The following ABCA10 variants were observed in gnomAD, a reference collection of about 807,000 sequenced individuals.
ABCA10 encodes ATP binding cassette subfamily A member 10, also known as ATP-binding cassette sub-family A member 10.
In ABCA10, 169 loss-of-function variants were observed where a neutral mutation model predicts 187.5. The observed-to-expected ratio is 0.90, with a 90% confidence interval of 0.80 to 1.02. The LOEUF is 1.02. Ranked by LOEUF, ABCA10 falls within the 50% of genes least tolerant of loss-of-function variation. ABCA10 has a pLI of 0.00. For synonymous variants in ABCA10, 574 were observed against 601.8 expected (o/e 0.95, Z 0.68); for missense variants, 1,727 against 1,812.4 (o/e 0.95, Z 0.86).
At chr17:69,156,455 T>G (rs988947538) in intron 28 of ABCA10, among the ~76,000 whole-genome samples, 1 of 152,182 alleles carries the variant, frequency 6.6e-6, no homozygotes, top group African/African-American at 2.4e-5. Flanking sequence ...GTTTTCTTTT[T>G]CTGAAAATAG....
chr17:69,148,901 G>A lies in ABCA10; in HGVS notation c.4558C>T (p.Gln1520Ter). The change falls in exon 39 of 39, where the codon CAG (glutamine) becomes TAG (stop). Residue 1520 changes from glutamine to a stop codon, truncating the protein, a stop_gained. Transcript: ENST00000690296. LOFTEE classifies it low-confidence loss of function (END_TRUNC). ...TTATCATCAACATTTCCCAGCTCCTGCTCTTTACAGAGTTCTAAGAATACC... is the reference window on the plus strand; with the variant it reads ...TTATCATCAACATTTCCCAGCTCCTACTCTTTACAGAGTTCTAAGAATACC... ...EQVFLELCKE[Q>*]ELGNVDDKID... The A allele has an allele frequency of 1.2e-6, 2 of 1,613,608 alleles. No individual in the cohort carries two copies. Among genetic ancestry groups the A allele is most frequent in the Non-Finnish European group, 1.7e-6 (2 of 1,179,740 alleles).
At position 69,148,721 on chromosome 17, in the gene ABCA10, TA is replaced by T. The variant is rs1274485851; in HGVS notation, c.*105del. ...ACTGTAATCATTATTGAATGTTTAT[TA>T]AATGTTTTCTTTTGTTAACTGAAGT... On this transcript the variant is annotated 3_prime_UTR_variant, in exon 39 of 39. Transcript: ENST00000690296. 1.0e-6 allele frequency: 1 copy of T among 966,806 alleles called. No individual in the cohort carries two copies. Among genetic ancestry groups the T allele is most frequent in the African/African-American group, 1.7e-5 (1 of 60,288 alleles). 59.9% of individuals were successfully genotyped at this position (966,806 alleles called of 1,614,324 possible). A position where few individuals can be genotyped will look rare whatever the true frequency, so the allele number is the denominator to read the frequency against.
intron 8 of ABCA10, 117 bp downstream of exon 8, chr17:69,215,698 C>G: frequency 9.9e-7 from 1 of 1,010,392 alleles, no homozygotes; most frequent in South Asian, 3.4e-5. Context: ...TTCTCAACAG[C>G]AGAATTTCTT....
In ABCA10 at chr17:69,149,979, CT is replaced by C. The variant is rs770690665; in HGVS notation, c.4477+4del. On this transcript the variant is annotated splice_donor_region_variant and intron_variant, in intron 37 of 38. Transcript: ENST00000690296. ...AAAGTCTTATTTATATATACCCAAA[CT>C]TACTCGCCTCTAACTTGAAAAAGGC... The C allele has an allele frequency of 1.8e-5, 29 of 1,601,784 alleles. No individual in the cohort carries two copies. Among genetic ancestry groups the C allele is most frequent in the Non-Finnish European group, 2.5e-5 (29 of 1,170,042 alleles).
intron 6 of ABCA10, among the ~76,000 whole-genome samples, chr17:69,217,254 AG>A (rs1276297100): frequency 4.7e-4 from 70 of 150,100 alleles, no homozygotes; most frequent in African/African-American, 1.7e-3. Flanking sequence ...TCTCAAAAAA[AG>A]AAAAAAAAAA....
At chr17:69,183,693 G>T (rs1176000249) in intron 20 of ABCA10, among the ~76,000 whole-genome samples, 1 of 152,094 alleles carries the variant, frequency 6.6e-6, no homozygotes, top group Non-Finnish European at 1.5e-5. Context: ...GCAGTGGGAG[G>T]AACCCTGTGG....
At position 69,161,275 on chromosome 17, in the gene ABCA10, T is replaced by C. The variant is rs551220884; in HGVS notation, c.3363+2799A>G. On this transcript the variant is annotated intron_variant, in intron 27 of 38. Transcript: ENST00000690296. ...AAAGGGGAAAAGGGAAATTGTTTAA[T>C]GGCTATACAGTTTCAGATTTACAAG... Among the ~76,000 whole-genome samples, 139 of 152,320 alleles carry C rather than the reference T, an allele frequency of 9.1e-4. 1 individual carries two copies. The highest frequency in any genetic ancestry group is 7.9e-3 in the South Asian group (38 of 4,830).
intron 22 of ABCA10, among the ~76,000 whole-genome samples, chr17:69,176,552 G>A (rs1169031749): frequency 6.6e-6 from 1 of 151,898 alleles, no homozygotes; most frequent in African/African-American, 2.4e-5. Context: ...AGATTACCAG[G>A]GGCTAAATAA....
At chr17:69,191,365 C>G in intron 16 of ABCA10, 50 bp from the exon 17 acceptor site, 1 of 1,443,976 alleles carries the variant, frequency 6.9e-7, no homozygotes, top group Non-Finnish European at 9.2e-7. Context: ...TCCAACACCA[C>G]CACTCATGAA....
At chr17:69,210,170 CTTTTTTTTTTTTTTT>C (rs1160992125) in intron 9 of ABCA10, among the ~76,000 whole-genome samples, 3 of 70,894 alleles carry the variant, frequency 4.2e-5, no homozygotes, top group African/African-American at 6.7e-5. Context: ...GTGGTTATTT[CTTTTTTTTTTTTTTT>C]TTTTTTTTTT....
intron 9 of ABCA10, 56 bp downstream of exon 9, chr17:69,214,648 A>G (rs1787686153): frequency 7.5e-7 from 1 of 1,328,120 alleles, no homozygotes; most frequent in Non-Finnish European, 1.0e-6. Context: ...ATATTAATAC[A>G]TGTTTTAAGA....
In ABCA10 at chr17:69,185,554, G is replaced by T; in HGVS notation, c.2420C>A (p.Ser807Ter). 6.2e-7 allele frequency: 1 copy of T among 1,613,366 alleles called. No homozygotes were observed. Among genetic ancestry groups the T allele is most frequent in the African/African-American group, 1.3e-5 (1 of 75,028 alleles). Reference sequence around the variant, plus strand: ...CAGAGAAAGGAAATACATACTGGGTGAAAACTCCCAACAATGAGTTTCACG... The same window carrying T: ...CAGAGAAAGGAAATACATACTGGGTTAAAACTCCCAACAATGAGTTTCACG... ...VTRETHCWEF[S>*]PSMYFLSLEQ... The change falls in exon 20 of 39, where the codon TCA (serine) becomes TAA (stop). Residue 807 changes from serine to a stop codon, truncating the protein, a stop_gained. Transcript: ENST00000690296. LOFTEE classifies it high-confidence loss of function.
chr17:69,210,847 C>CAT (rs57227408), intron 9 of ABCA10, among the ~76,000 whole-genome samples: 1,154 of 37,844 alleles, frequency 0.03, 58 homozygotes, highest in East Asian at 0.17. Flanking sequence ...ATTTATGCCA[C>CAT]ATATATATAT....
intron 14 of ABCA10, 47 bp from the exon 15 acceptor site, chr17:69,193,295 G>C (rs1381703194): frequency 6.3e-7 from 1 of 1,593,244 alleles, no homozygotes; most frequent in East Asian, 2.2e-5. Flanking sequence ...TCACAGTGAG[G>C]ATCTTCAGAA....
At chr17:69,153,420 C>A in intron 33 of ABCA10, 21 bp from the exon 34 acceptor site, 1 of 1,613,510 alleles carries the variant, frequency 6.2e-7, no homozygotes, top group East Asian at 2.2e-5. Flanking sequence ...AGGAACAGCC[C>A]GTCGGCACCC....
chr17:69,208,979 C>T (rs577693185), intron 9 of ABCA10, among the ~76,000 whole-genome samples: 85 of 152,208 alleles, frequency 5.6e-4, no homozygotes, highest in Middle Eastern at 3.4e-3. Flanking sequence ...GAGGTCAAGG[C>T]TGCAGTGAGC....
At chr17:69,225,617 A>C in intron 2 of ABCA10, 88 bp from the exon 3 acceptor site, 3 of 396,184 alleles carry the variant, frequency 7.6e-6, no homozygotes, top group Non-Finnish European at 1.3e-5. Context: ...GGCAGAATGT[A>C]TTGCCATTGA....
At chr17:69,214,307 A>G (rs899528716) in intron 9 of ABCA10, among the ~76,000 whole-genome samples, 3 of 152,088 alleles carry the variant, frequency 2.0e-5, no homozygotes, top group Non-Finnish European at 4.4e-5. Context: ...CGAGGTCAGG[A>G]GATCGAGACC....
chr17:69,219,542 T>G lies in ABCA10; in HGVS notation c.530+3A>C, dbSNP rs1180692165. 5 of 1,552,052 alleles carry G rather than the reference T, an allele frequency of 3.2e-6. No homozygotes were observed. Among genetic ancestry groups the G allele is most frequent in the Admixed American group, 2.0e-5 (1 of 50,786 alleles). ...TATACAGTAAAGTAGCAACTTAACT[T>G]ACCAGAATGCTGACTCTCGGAGACC... On this transcript the variant is annotated splice_donor_region_variant and intron_variant, in intron 6 of 38. Coordinates refer to ENST00000690296, the MANE Select transcript of ABCA10 (RefSeq NM_001377321.1).
Sources: gnomAD v4.1 joint callset for allele counts (sites outside exome capture counted in the v4.1 genomes callset) on GRCh38, gnomAD v4.1.1 for gene constraint, MANE v1.5 for transcripts, NCBI Gene and HGNC (gene_info 2026-07-23, HGNC 2026-07-21) for gene names.